Variants in SGMS1 observed in about 807,000 individuals in gnomAD.
The protein encoded by SGMS1 is phosphatidylcholine:ceramide cholinephosphotransferase 1.
A neutral mutation model predicts 46.2 loss-of-function variants in SGMS1; 13 were observed. The ratio of observed to expected loss-of-function variants is 0.28; its 90% CI spans 0.18 to 0.45. The LOEUF is 0.45. Among genes scored for constraint, SGMS1 ranks in the 20% least tolerant of loss-of-function variants. SGMS1 has a pLI of 1.00. For synonymous variants in SGMS1, 203 were observed against 187.8 expected (o/e 1.08, Z -0.66); for missense variants, 324 against 519.9 (o/e 0.62, Z 3.66).
intron 3 of SGMS1, among the ~76,000 whole-genome samples, chr10:50,506,940 C>T (rs1447956252): frequency 2.6e-5 from 4 of 152,282 alleles, no homozygotes; most frequent in East Asian, 3.9e-4. Flanking sequence ...GCAATACTGT[C>T]GGGCCCCAAA....
chr10:50,527,743 C>A (rs1837916904), intron 2 of SGMS1, among the ~76,000 whole-genome samples: 1 of 152,146 alleles, frequency 6.6e-6, no homozygotes, highest in Non-Finnish European at 1.5e-5. Flanking sequence ...CCGTAGCAAC[C>A]CAGACTGAAA....
chr10:50,441,913 C>T (rs1849550948), intron 5 of SGMS1, among the ~76,000 whole-genome samples: 1 of 152,152 alleles, frequency 6.6e-6, no homozygotes, highest in Non-Finnish European at 1.5e-5. Flanking sequence ...AAAAATACTA[C>T]CCACAACTTG....
intron 3 of SGMS1, among the ~76,000 whole-genome samples, chr10:50,519,078 A>G (rs915500658): frequency 1.3e-5 from 2 of 152,134 alleles, no homozygotes; most frequent in African/African-American, 4.8e-5. Flanking sequence ...AAATCTTACA[A>G]CATAACAGGG....
At chr10:50,614,382 T>C (rs560264764) in intron 1 of SGMS1, among the ~76,000 whole-genome samples, 78 of 152,318 alleles carry the variant, frequency 5.1e-4, no homozygotes, top group Non-Finnish European at 9.4e-4. Flanking sequence ...TTTTATTTCA[T>C]GAGGCGGAAG....
chr10:50,404,171 C>T (rs1272573140), intron 6 of SGMS1, among the ~76,000 whole-genome samples: 1 of 152,034 alleles, frequency 6.6e-6, no homozygotes, highest in Non-Finnish European at 1.5e-5. Flanking sequence ...AAGAAACTCA[C>T]AATGGACCTA....
intron 6 of SGMS1, among the ~76,000 whole-genome samples, chr10:50,414,900 C>T (rs1052348026): frequency 2.0e-5 from 3 of 152,182 alleles, no homozygotes; most frequent in Non-Finnish European, 4.4e-5. Flanking sequence ...GGTAAAAGAC[C>T]TAAACTCATT....
chr10:50,517,151 C>T (rs1020779656), intron 3 of SGMS1, among the ~76,000 whole-genome samples: 5 of 152,150 alleles, frequency 3.3e-5, no homozygotes, highest in African/African-American at 9.7e-5. Context: ...TTCAAGATTC[C>T]AAGACATAAT....
chr10:50,475,134 G>A (rs1837408877), intron 3 of SGMS1, among the ~76,000 whole-genome samples: 1 of 152,140 alleles, frequency 6.6e-6, no homozygotes, highest in Admixed American at 6.5e-5. Context: ...CCATTTCACT[G>A]TCAGTAATTA....
chr10:50,477,805 A>G (rs1179674292), intron 3 of SGMS1, among the ~76,000 whole-genome samples: 1 of 152,152 alleles, frequency 6.6e-6, no homozygotes, highest in African/African-American at 2.4e-5. Flanking sequence ...AGCCATGTGA[A>G]GATGTGCCTG....
At chr10:50,452,078 A>G (rs1837117588) in intron 5 of SGMS1, among the ~76,000 whole-genome samples, 1 of 152,158 alleles carries the variant, frequency 6.6e-6, no homozygotes, top group Admixed American at 6.5e-5. Flanking sequence ...TCAGTCATAG[A>G]GCATTACTTA....
In SGMS1 at chr10:50,336,589, A is replaced by C. The variant is rs79134857; in HGVS notation, c.623+6903T>G. On this transcript the variant is annotated intron_variant, in intron 7 of 10. Coordinates refer to ENST00000361781, the MANE Select transcript of SGMS1 (RefSeq NM_147156.4). Reference sequence around the variant, plus strand: ...AACCCAACACATAAAATATATAATTAAAAAACTGAACTCATTTGTTTTTAT... The same window carrying C: ...AACCCAACACATAAAATATATAATTCAAAAACTGAACTCATTTGTTTTTAT... 4.4e-3 allele frequency among the ~76,000 whole-genome samples: 669 copies of C among 152,318 alleles called. 2 individuals carry two copies. Among genetic ancestry groups the C allele is most frequent in the South Asian group, 6.6e-3 (32 of 4,832 alleles).
upstream of SGMS1, chr10:50,624,779 G>C (rs2131956480): frequency 1.0e-6 from 1 of 986,332 alleles, no homozygotes; most frequent in Non-Finnish European, 1.2e-6. Flanking sequence ...GGGGAGAGCT[G>C]GCCTTCCCGC....
intron 3 of SGMS1, among the ~76,000 whole-genome samples, chr10:50,511,946 T>C (rs748936881): frequency 2.0e-5 from 3 of 152,218 alleles, no homozygotes. Context: ...GTCTGACTCA[T>C]CTCCGTATCT....
At chr10:50,380,098 T>C (rs1164691252) in intron 6 of SGMS1, among the ~76,000 whole-genome samples, 1 of 152,062 alleles carries the variant, frequency 6.6e-6, no homozygotes, top group Non-Finnish European at 1.5e-5. Context: ...AATCCTCCCT[T>C]GGCTGGGCAC....
At chr10:50,532,412 TTAAGTA>T (rs1427203396) in intron 2 of SGMS1, among the ~76,000 whole-genome samples, 1 of 152,194 alleles carries the variant, frequency 6.6e-6, no homozygotes, top group Non-Finnish European at 1.5e-5. Flanking sequence ...TCAATTTTTC[TTAAGTA>T]TAAGTATAGC....
intron 2 of SGMS1, among the ~76,000 whole-genome samples, chr10:50,526,811 A>T (rs1009872901): frequency 2.0e-5 from 3 of 152,104 alleles, no homozygotes; most frequent in Non-Finnish European, 4.4e-5. Flanking sequence ...TCACGCCTGT[A>T]ATCATAGCAC....
chr10:50,386,924 G>T (rs1439090966), intron 6 of SGMS1, among the ~76,000 whole-genome samples: 1 of 152,056 alleles, frequency 6.6e-6, no homozygotes, highest in African/African-American at 2.4e-5. Context: ...CTACAAAAAG[G>T]GATAAATGAA....
intron 2 of SGMS1, among the ~76,000 whole-genome samples, chr10:50,538,494 G>A (rs993266457): frequency 6.6e-6 from 1 of 151,760 alleles, no homozygotes; most frequent in South Asian, 2.1e-4. Flanking sequence ...GCTTATCAGG[G>A]GTGCCTTCAG....
chr10:50,347,707 T>G (rs1847937133), intron 6 of SGMS1, among the ~76,000 whole-genome samples: 1 of 151,780 alleles, frequency 6.6e-6, no homozygotes, highest in South Asian at 2.1e-4. Flanking sequence ...GTTCTTCATT[T>G]CCCCCTTGCC....
Sources: gnomAD v4.1 joint callset for allele counts (sites outside exome capture counted in the v4.1 genomes callset) on GRCh38, gnomAD v4.1.1 for gene constraint, MANE v1.5 for transcripts, NCBI Gene and HGNC (gene_info 2026-07-23, HGNC 2026-07-21) for gene names.